L1TD1: variants seen among roughly 807,000 people sequenced by gnomAD.
The protein encoded by L1TD1 is LINE-1 type transposase domain-containing protein 1.
L1TD1 carries 26 observed loss-of-function variants against 25.7 expected under a neutral mutation model. That is an observed-to-expected ratio of 1.01 (90% confidence interval 0.74 to 1.40). The LOEUF is 1.40. L1TD1 is among the 40% of genes most tolerant of loss of function. The pLI, the probability that L1TD1 is intolerant of heterozygous loss-of-function variation, is 0.00. For missense variants in L1TD1, 1,130 were observed against 975.0 expected, an observed-to-expected ratio of 1.16 and a Z score of -2.12; for synonymous variants, 421 against 335.6, an observed-to-expected ratio of 1.25 and a Z score of -2.78.
In L1TD1 at chr1:62,205,388, TTTC is replaced by T. The variant is rs1557443419; in HGVS notation, c.-110-1129_-110-1127del. 2.8e-3 allele frequency among the ~76,000 whole-genome samples: 133 copies of T among 46,744 alleles called. 2 individuals are homozygous for T. The highest frequency in any genetic ancestry group is 3.9e-3 in the Non-Finnish European group (100 of 25,768). The allele number at this position is 46,744 out of a possible 152,430, so 30.7% of individuals were successfully genotyped here. ...AAAACTCTCTTTCTCTCTCTCTCTC[TTTC>T]TCTCTCTCTCTCTCTCTCTCTCTCT... On this transcript the variant is annotated intron_variant, in intron 2 of 3. Coordinates refer to ENST00000498273, the MANE Select transcript of L1TD1 (RefSeq NM_019079.5).
chr1:62,211,574 T>A lies in L1TD1; in HGVS notation c.*202T>A. 1.3e-6 allele frequency: 1 copy of A among 786,158 alleles called. No homozygotes were observed. Among genetic ancestry groups the A allele is most frequent in the Non-Finnish European group, 1.8e-6 (1 of 551,200 alleles). The allele number at this position is 786,158 out of a possible 1,614,324, so 48.7% of individuals were successfully genotyped here. On this transcript the variant is annotated 3_prime_UTR_variant, in exon 4 of 4. Transcript: ENST00000498273. ...AAAAAATAGGCTGGTCTCAATGTAG[T>A]GAGTTATTTCAGTTGATCACAGTCA...
chr1:62,211,419 A>G lies in L1TD1; in HGVS notation c.*47A>G. ...AATATGCTTTCCTCCCCCAGCATGC[A>G]TCCAAAAATCAACAAGTAAAACGAA... is the stretch of plus-strand genomic sequence containing the variant. On this transcript the variant is annotated 3_prime_UTR_variant, in exon 4 of 4. Coordinates refer to ENST00000498273, the MANE Select transcript of L1TD1 (RefSeq NM_019079.5). 2 of 1,522,988 alleles carry G rather than the reference A, an allele frequency of 1.3e-6. No individual in the cohort carries two copies. Among genetic ancestry groups the G allele is most frequent in the Non-Finnish European group, 8.8e-7 (1 of 1,140,824 alleles). The allele number at this position is 1,522,988 out of a possible 1,614,324, so 94.3% of individuals were successfully genotyped here.
In L1TD1 at chr1:62,209,783, G is replaced by A; in HGVS notation, c.1009G>A (p.Asp337Asn). The A allele has an allele frequency of 6.6e-7, 1 of 1,513,306 alleles. No individual in the cohort carries two copies. The highest frequency in any genetic ancestry group is 8.9e-7 in the Non-Finnish European group (1 of 1,122,026). The allele number at this position is 1,513,306 out of a possible 1,614,324, so 93.7% of individuals were successfully genotyped here. Residue 337 changes from aspartate to asparagine, a missense_variant and splice_region_variant, in exon 4 of 4, where the codon GAT becomes AAT. Transcript: ENST00000498273. ...GRKYGIQEKR[D>N]KTLIDSKHRA... is the part of the protein sequence containing the mutation. Reference sequence around the variant, plus strand: ...TTTTTCTTCTTTGTTTAACTTTCAGGATAAAACCCTAATAGACTCAAAGCA... The same window carrying A: ...TTTTTCTTCTTTGTTTAACTTTCAGAATAAAACCCTAATAGACTCAAAGCA...
rs1238106323 is a variant in L1TD1, at chr1:62,210,394, G to A, written c.1620G>A (p.Val540=). The A allele has an allele frequency of 1.2e-6, 2 of 1,614,066 alleles. No individual in the cohort carries two copies. Among genetic ancestry groups the A allele is most frequent in the Admixed American group, 1.7e-5 (1 of 59,994 alleles). ...CCCAGGAGGAAGAGGAAACAGCTGT[G>A]CCCACAAGTCAAGGAACTGGCACAC... ...HKTQEEEETA[V]PTSQGTGTPC... is the part of the protein sequence containing the mutation. Residue 540 remains valine (V), a synonymous_variant, in exon 4 of 4, where the codon GTG becomes GTA. Transcript: ENST00000498273.
chr1:62,210,131 G>A lies in L1TD1; in HGVS notation c.1357G>A (p.Asp453Asn), dbSNP rs1670834502. Reference sequence around the variant, plus strand: ...AACCTTTCAGGGTCATACTTTGGTAGATGCAAAGCATGAAGTTGAGATAAC... The same window carrying A: ...AACCTTTCAGGGTCATACTTTGGTAAATGCAAAGCATGAAGTTGAGATAAC... ...DSTFQGHTLV[D>N]AKHEVEITSD... is the part of the protein sequence containing the mutation. The change falls in exon 4 of 4, where the codon GAT becomes AAT. Residue 453 changes from aspartate to asparagine, a missense_variant. By Grantham distance (23) the Asp-to-Asn change is conservative. Transcript: ENST00000498273. 4 of 1,613,948 alleles carry A rather than the reference G, an allele frequency of 2.5e-6. No individual in the cohort carries two copies. Among genetic ancestry groups the A allele is most frequent in the Non-Finnish European group, 1.7e-6 (2 of 1,180,036 alleles).
chr1:62,207,160 T>A lies in L1TD1; in HGVS notation c.532T>A (p.Leu178Ile), dbSNP rs923630417. ...YEVMGSMEET[L>I]CNIDDRDGNR... ...AGTCATGGGAAGTATGGAAGAAACC[T>A]TATGCAATATAGATGACAGAGATGG... is the stretch of plus-strand genomic sequence containing the variant. The change falls in exon 3 of 4, where the codon TTA (leucine) becomes ATA (isoleucine). Residue 178 changes from leucine to isoleucine, a missense_variant. Physicochemically the swap from Leu to Ile is conservative, Grantham distance 5. Coordinates refer to ENST00000498273, the MANE Select transcript of L1TD1 (RefSeq NM_019079.5). 1 of 1,559,622 alleles carries A rather than the reference T, an allele frequency of 6.4e-7. No individual in the cohort carries two copies. Among genetic ancestry groups the A allele is most frequent in the African/African-American group, 1.4e-5 (1 of 73,470 alleles).
At chr1:62,202,239 G>T (rs1440632262) in intron 2 of L1TD1, among the ~76,000 whole-genome samples, 1 of 151,980 alleles carries the variant, frequency 6.6e-6, no homozygotes, top group Non-Finnish European at 1.5e-5. Flanking sequence ...GGTGGAGGTT[G>T]CGGTGAGCCG....
At chr1:62,205,443 A>ATTTTTTTTTT (rs1261055805) in intron 2 of L1TD1, among the ~76,000 whole-genome samples, 1 of 63,662 alleles carries the variant, frequency 1.6e-5, no homozygotes, top group African/African-American at 5.6e-5. Flanking sequence ...ATATATATAT[A>ATTTTTTTTTT]TTTTTTTTTA....
intron 2 of L1TD1, among the ~76,000 whole-genome samples, chr1:62,197,792 C>T (rs539057118): frequency 1.3e-5 from 2 of 152,122 alleles, no homozygotes; most frequent in African/African-American, 2.4e-5. Flanking sequence ...AGGAGAATCA[C>T]TTGAACCTGG....
chr1:62,210,043 G>A lies in L1TD1; in HGVS notation c.1269G>A (p.Gly423=), dbSNP rs1348162684. Residue 423 remains glycine (G), a synonymous_variant, in exon 4 of 4, where the codon GGG becomes GGA. Coordinates refer to ENST00000498273, the MANE Select transcript of L1TD1 (RefSeq NM_019079.5). The part of the protein sequence containing the change: ...LEEEEEEEAS[G]LEEDEASGLE... ...AGGAAGAAGAAGAAGAGGCTTCAGG[G>A]TTGGAGGAGGATGAGGCCTCAGGGC... 6.2e-7 allele frequency: 1 copy of A among 1,612,784 alleles called. No homozygotes were observed. The highest frequency in any genetic ancestry group is 1.3e-5 in the African/African-American group (1 of 74,848).
In L1TD1 at chr1:62,204,156, C is replaced by CTTG. The variant is rs1257390709; in HGVS notation, c.-110-2360_-110-2358dup. Among the ~76,000 whole-genome samples the CTTG allele has an allele frequency of 2.0e-5, 3 of 152,264 alleles. No individual in the cohort carries two copies. In the East Asian group the frequency reaches 5.8e-4, roughly 29 times the overall value. On this transcript the variant is annotated intron_variant, in intron 2 of 3. Transcript: ENST00000498273. Reference sequence around the variant, plus strand: ...CATGCTTTATCTGTAGTTGTGTCCCCTTGTTATTCATAGTATTCCTTATTT... The same window carrying CTTG: ...CATGCTTTATCTGTAGTTGTGTCCCCTTGTTGTTATTCATAGTATTCCTTATTT...
chr1:62,202,144 T>C (rs1371780782), intron 2 of L1TD1, among the ~76,000 whole-genome samples: 1 of 152,064 alleles, frequency 6.6e-6, no homozygotes, highest in East Asian at 1.9e-4. Context: ...CTACTAAAAG[T>C]ACAAAATTAG....
At chr1:62,205,111 G>A (rs182608531) in intron 2 of L1TD1, among the ~76,000 whole-genome samples, 54 of 152,008 alleles carry the variant, frequency 3.6e-4, no homozygotes, top group African/African-American at 1.3e-3. Flanking sequence ...CAGCACTTTG[G>A]AGGCCGAGGC....
chr1:62,208,595 C>T (rs56011715), intron 3 of L1TD1, among the ~76,000 whole-genome samples: 19,925 of 151,592 alleles, frequency 0.13, 1,618 homozygotes, highest in African/African-American at 0.22. Flanking sequence ...TCCTCCTACT[C>T]CAGCCTCCTG....
At chr1:62,197,145 G>T (rs1183704852) in intron 2 of L1TD1, among the ~76,000 whole-genome samples, 10 of 151,906 alleles carry the variant, frequency 6.6e-5, no homozygotes. Context: ...CAGCACTTTG[G>T]GAGGTTGAGG....
intron 1 of L1TD1, among the ~76,000 whole-genome samples, chr1:62,195,927 C>T (rs888685318): frequency 6.6e-6 from 1 of 151,776 alleles, no homozygotes; most frequent in Non-Finnish European, 1.5e-5. Flanking sequence ...GTCCCAGCTA[C>T]TAGGGAGGCC....
intron 1 of L1TD1, among the ~76,000 whole-genome samples, chr1:62,196,084 G>T (rs1670533663): frequency 6.6e-6 from 1 of 152,024 alleles, no homozygotes; most frequent in South Asian, 2.1e-4. Flanking sequence ...AATTGATTTG[G>T]AAGTAATAAC....
At chr1:62,209,674 T>C in intron 3 of L1TD1, 109 bp from the exon 4 acceptor site, 1 of 957,996 alleles carries the variant, frequency 1.0e-6, no homozygotes, top group Non-Finnish European at 1.5e-6. Flanking sequence ...AGATATTTTC[T>C]GTCAGAATTG....
At position 62,205,438 on chromosome 1, in the gene L1TD1, TATATA is replaced by T. The variant is rs1395604407; in HGVS notation, c.-110-1080_-110-1076del. On this transcript the variant is annotated intron_variant, in intron 2 of 3. Coordinates refer to ENST00000498273, the MANE Select transcript of L1TD1 (RefSeq NM_019079.5). ...CTCTCTATATATATATATATATATA[TATATA>T]TTTTTTTTTAGACAGTCTTGCTGTG... Among the ~76,000 whole-genome samples the T allele has an allele frequency of 8.3e-3, 553 of 66,470 alleles. 31 individuals are homozygous for T. The highest frequency in any genetic ancestry group is 0.016 in the East Asian group (39 of 2,514). The allele number at this position is 66,470 out of a possible 152,430, so 43.6% of individuals were successfully genotyped here. A position where few individuals can be genotyped will look rare whatever the true frequency, so the allele number is the denominator to read the frequency against.
Sources: gnomAD v4.1 joint callset for allele counts (sites outside exome capture counted in the v4.1 genomes callset) on GRCh38, gnomAD v4.1.1 for gene constraint, MANE v1.5 for transcripts, NCBI Gene and HGNC (gene_info 2026-07-23, HGNC 2026-07-21) for gene names.